The following MKS1 variants were observed in gnomAD, a reference collection of about 807,000 sequenced individuals.
MKS1 encodes tectonic-like complex member MKS1.
In MKS1, 70 loss-of-function variants were observed where a neutral mutation model predicts 83.7. The observed-to-expected ratio is 0.84, with a 90% confidence interval of 0.69 to 1.02. The LOEUF is 1.02. Among genes scored for constraint, MKS1 ranks in the 50% least tolerant of loss-of-function variants. The pLI is 0.00. For missense variants in MKS1, 681 were observed against 726.9 expected, an observed-to-expected ratio of 0.94 and a Z score of 0.73; for synonymous variants, 251 against 273.4, an observed-to-expected ratio of 0.92 and a Z score of 0.81.
intron 7 of MKS1, among the ~76,000 whole-genome samples, chr17:58,213,462 C>T (rs566600616): frequency 6.6e-6 from 1 of 152,310 alleles, no homozygotes; most frequent in East Asian, 1.9e-4. Flanking sequence ...ACAGGAAAAG[C>T]CTGGCTGAGT....
chr17:58,205,734 A>T lies in MKS1; in HGVS notation c.*345T>A. 1 of 1,364,262 alleles carries T rather than the reference A, an allele frequency of 7.3e-7. No individual in the cohort carries two copies. Among genetic ancestry groups the T allele is most frequent in the Non-Finnish European group, 9.7e-7 (1 of 1,028,976 alleles). The allele number at this position is 1,364,262 out of a possible 1,614,324, so 84.5% of individuals were successfully genotyped here. ...ATTTTTAAAGGGTGGAGAACAGCAG[A>T]TCCCCTGCTACTGTGAGACAAGCCA... On this transcript the variant is annotated 3_prime_UTR_variant, in exon 18 of 18. Coordinates refer to ENST00000393119, the MANE Select transcript of MKS1 (RefSeq NM_017777.4).
At chr17:58,212,296 A>T in intron 9 of MKS1, 82 bp downstream of exon 9, 3 of 1,506,764 alleles carry the variant, frequency 2.0e-6, no homozygotes, top group Non-Finnish European at 2.8e-6. Flanking sequence ...TGGGCCTTTA[A>T]GAGAGGTAGT....
At chr17:58,206,665 A>G in intron 15 of MKS1, 118 bp from the exon 16 acceptor site, 4 of 1,024,056 alleles carry the variant, frequency 3.9e-6, no homozygotes, top group Non-Finnish European at 5.9e-6. Flanking sequence ...TGTTGGGGAA[A>G]CCTTATTCCA....
chr17:58,207,329 G>T, intron 14 of MKS1, 111 bp from the exon 15 acceptor site: 1 of 1,457,354 alleles, frequency 6.9e-7, no homozygotes, highest in Non-Finnish European at 9.5e-7. Context: ...CTGGTCTGGT[G>T]ATGACCTGGC....
rs7225148 is a variant in MKS1, at chr17:58,216,599, T to C, written c.261+67A>G. 0.3 allele frequency: 460,614 copies of C among 1,523,342 alleles called. 73,153 individuals are homozygous for C. The highest frequency in any genetic ancestry group is 0.48 in the African/African-American group (34,872 of 73,012). 94.4% of individuals were successfully genotyped at this position (1,523,342 alleles called of 1,614,324 possible). On this transcript the variant is annotated intron_variant, in intron 3 of 17. Transcript: ENST00000393119. Reference sequence around the variant, plus strand: ...CTGTCTGGAAATCACTTTGGCAATATGTATCACCAGCCATGTGGAGGTAGA... The same window carrying C: ...CTGTCTGGAAATCACTTTGGCAATACGTATCACCAGCCATGTGGAGGTAGA...
Position 58,208,507 on chromosome 17 carries a change from C to G in MKS1, c.1095+6G>C, listed in dbSNP as rs548817417. On this transcript the variant is annotated splice_donor_region_variant and intron_variant, in intron 12 of 17. Transcript: ENST00000393119. ...CCTTCCAGATACCCGCTCTCATTCT[C>G]CATACCATTGCCAGGGACTTGGTGG... 1 of 1,613,856 alleles carries G rather than the reference C, an allele frequency of 6.2e-7. No individual in the cohort carries two copies. The highest frequency in any genetic ancestry group is 1.7e-5 in the Admixed American group (1 of 60,014).
intron 9 of MKS1, among the ~76,000 whole-genome samples, chr17:58,212,090 C>T (rs1407202152): frequency 6.6e-6 from 1 of 152,072 alleles, no homozygotes; most frequent in Non-Finnish European, 1.5e-5. Flanking sequence ...TAATATATCC[C>T]TCTCACCACC....
intron 11 of MKS1, 152 bp from the exon 12 acceptor site, chr17:58,208,735 G>A (rs1402653525): frequency 1.4e-6 from 1 of 717,020 alleles, no homozygotes; most frequent in Non-Finnish European, 2.3e-6. Context: ...CAGGGTCATA[G>A]GATAATAGTG....
At position 58,209,596 on chromosome 17, in the gene MKS1, G is replaced by A. The variant is rs1968752298; in HGVS notation, c.1025-1013C>T. ...AGCCATGCTAAGATATGGCAGAAAG[G>A]GTTTCAGACAAAGGAAACGGCCCTT... On this transcript the variant is annotated intron_variant, in intron 11 of 17. Coordinates refer to ENST00000393119, the MANE Select transcript of MKS1 (RefSeq NM_017777.4). This position sits in a 1 kb window ranked among gnomAD's most constrained non-coding sequence, Gnocchi z 4.1. Among the ~76,000 whole-genome samples, 1 of 152,204 alleles carries A rather than the reference G, an allele frequency of 6.6e-6. No homozygotes were observed. Among genetic ancestry groups the A allele is most frequent in the Non-Finnish European group, 1.5e-5 (1 of 68,036 alleles).
chr17:58,215,892 G>T, intron 4 of MKS1, 196 bp downstream of exon 4: 1 of 658,024 alleles, frequency 1.5e-6, no homozygotes, highest in Admixed American at 2.3e-5. Context: ...GCAGAGAAGG[G>T]AGCAGCAGCC....
Position 58,214,798 on chromosome 17 carries a change from G to A in MKS1, c.458C>T (p.Ser153Leu). ...RMTTAASEVP[S>L]FLVERMANVR... ...ATTTGCCATTCGCTCGACCAAGAAT[G>A]AAGGCACCTCGCTGGCTGCAGTGGT... Residue 153 changes from serine (S) to leucine (L), a missense_variant, in exon 5 of 18, where the codon TCA becomes TTA. By Grantham distance (145) the Ser-to-Leu change is moderately radical. Around this residue, in one of 3 missense-constraint regions of MKS1, gnomAD observed 365 missense variants for 383.8 expected, o/e 0.95. Transcript: ENST00000393119. The A allele has an allele frequency of 9.3e-6, 15 of 1,606,666 alleles. No homozygotes were observed. Among genetic ancestry groups the A allele is most frequent in the Non-Finnish European group, 1.3e-5 (15 of 1,179,754 alleles).
intron 8 of MKS1, 132 bp from the exon 9 acceptor site, chr17:58,212,566 G>A (rs1224785852): frequency 1.1e-5 from 11 of 962,148 alleles, no homozygotes; most frequent in South Asian, 5.4e-5. Context: ...CTGACTCACC[G>A]CCATTTTACC....
chr17:58,209,642 T>C lies in MKS1; in HGVS notation c.1024+1017A>G, dbSNP rs941184463. Among the ~76,000 whole-genome samples the C allele has an allele frequency of 1.3e-5, 2 of 152,208 alleles. No homozygotes were observed. Among genetic ancestry groups the C allele is most frequent in the African/African-American group, 2.4e-5 (1 of 41,442 alleles). ...CCCTTAAAAGGCTACAAGGTGGGAATGAACCTGGCTGGGAAGAATGACTGG... is the reference window on the plus strand; with the variant it reads ...CCCTTAAAAGGCTACAAGGTGGGAACGAACCTGGCTGGGAAGAATGACTGG... On this transcript the variant is annotated intron_variant, in intron 11 of 17. Transcript: ENST00000393119. The surrounding 1 kb of genome is among the most constrained non-coding windows in gnomAD (Gnocchi z 4.1).
intron 1 of MKS1, 102 bp from the exon 2 acceptor site, chr17:58,218,831 GGT>G: frequency 9.3e-7 from 1 of 1,072,744 alleles, no homozygotes; most frequent in Non-Finnish European, 1.4e-6. Flanking sequence ...GGGTTGCCAA[GGT>G]GTGCTGGGTG....
rs1166839524 is a variant in MKS1, at chr17:58,205,622, A to G, written c.*457T>C. The G allele has an allele frequency of 1.5e-6, 2 of 1,306,446 alleles. No homozygotes were observed. Among genetic ancestry groups the G allele is most frequent in the African/African-American group, 3.0e-5 (2 of 65,966 alleles). 80.9% of individuals were successfully genotyped at this position (1,306,446 alleles called of 1,614,324 possible). A position where few individuals can be genotyped will look rare whatever the true frequency, so the allele number is the denominator to read the frequency against. ...GCAGTAGAATGAGGCTTCCCTGGAA[A>G]GAGGCTGAGACTCACAGGCTGGGGA... On this transcript the variant is annotated 3_prime_UTR_variant, in exon 18 of 18. Transcript: ENST00000393119.
At chr17:58,207,597 T>C in intron 14 of MKS1, 2 of 548,422 alleles carry the variant, frequency 3.6e-6, no homozygotes, top group Non-Finnish European at 3.3e-6. Flanking sequence ...CCAAACTGAA[T>C]GCTGATTCAT....
At chr17:58,216,989 C>T (rs1598001671) in intron 2 of MKS1, among the ~76,000 whole-genome samples, 2 of 152,160 alleles carry the variant, frequency 1.3e-5, no homozygotes, top group Non-Finnish European at 1.5e-5. Flanking sequence ...AAATACCCCC[C>T]AGGAATTTTT....
intron 11 of MKS1, 51 bp from the exon 12 acceptor site, chr17:58,208,634 C>T: frequency 6.7e-7 from 1 of 1,483,462 alleles, no homozygotes; most frequent in Non-Finnish European, 9.4e-7. Context: ...GAAAGCAAGT[C>T]ATTCAGAAAA....
In MKS1 at chr17:58,205,980, A is replaced by C; in HGVS notation, c.*99T>G. The C allele has an allele frequency of 1.3e-6, 2 of 1,540,008 alleles. No individual in the cohort carries two copies. Among genetic ancestry groups the C allele is most frequent in the Middle Eastern group, 2.3e-4 (1 of 4,356 alleles). On this transcript the variant is annotated 3_prime_UTR_variant, in exon 18 of 18. Coordinates refer to ENST00000393119, the MANE Select transcript of MKS1 (RefSeq NM_017777.4). ...CAGCTTTTCTGGTTCTCAGCAGACC[A>C]ACGTGGTCTCTAATCAGAAAGACGA... is the stretch of plus-strand genomic sequence containing the variant.
Sources: allele counts gnomAD v4.1 joint callset (sites outside exome capture counted in the v4.1 genomes callset), GRCh38; gene constraint gnomAD v4.1.1; regional missense constraint gnomAD v4.1.1; non-coding constraint Gnocchi (gnomAD v3.1); transcripts MANE v1.5; gene names NCBI Gene and HGNC (gene_info 2026-07-23, HGNC 2026-07-21).